Variants in CARS2 observed in about 807,000 individuals in gnomAD.
CARS2 encodes probable cysteine--tRNA ligase, mitochondrial.
A neutral mutation model predicts 68.8 loss-of-function variants in CARS2; 52 were observed. That is an observed-to-expected ratio of 0.76 (90% CI 0.61 to 0.95). The LOEUF (loss-of-function observed/expected upper bound fraction) is 0.95, where lower values mean the gene tolerates loss of function less well. Among genes scored for constraint, CARS2 ranks in the 40% least tolerant of loss-of-function variants. The pLI is 0.00. For missense variants in CARS2, 780 were observed against 754.2 expected, an observed-to-expected ratio of 1.03 and a Z score of -0.40; for synonymous variants, 314 against 303.6, an observed-to-expected ratio of 1.03 and a Z score of -0.36.
At chr13:110,702,116 A>C (rs779410207) in intron 2 of CARS2, among the ~76,000 whole-genome samples, 1 of 152,178 alleles carries the variant, frequency 6.6e-6, no homozygotes, top group Non-Finnish European at 1.5e-5. Flanking sequence ...TTAGCATCTC[A>C]AGAATCTGTT....
intron 6 of CARS2, among the ~76,000 whole-genome samples, chr13:110,678,399 C>T (rs2063035099): frequency 4.6e-5 from 7 of 152,168 alleles, no homozygotes; most frequent in Admixed American, 4.6e-4. Context: ...GACAGGCACA[C>T]CCCATGTGCA....
At chr13:110,684,937 G>T (rs1005811373) in intron 5 of CARS2, among the ~76,000 whole-genome samples, 38 of 152,250 alleles carry the variant, frequency 2.5e-4, no homozygotes, top group African/African-American at 8.9e-4. Context: ...TTGAATGTAA[G>T]TGTATTTTGA....
At chr13:110,663,066 A>G (rs1190041836) in intron 9 of CARS2, 1 of 467,052 alleles carries the variant, frequency 2.1e-6, no homozygotes, top group African/African-American at 2.0e-5. Flanking sequence ...AAGGGCAAAC[A>G]GCAAAACCTA....
intron 3 of CARS2, among the ~76,000 whole-genome samples, chr13:110,692,023 T>TAC (rs1271674338): frequency 3.0e-3 from 199 of 66,018 alleles, no homozygotes; most frequent in African/African-American, 8.1e-3. Context: ...TATATATATA[T>TAC]ACACACACAC....
chr13:110,710,080 CTT>C (rs1055396559), upstream of CARS2, among the ~76,000 whole-genome samples: 32 of 152,162 alleles, frequency 2.1e-4, 1 homozygote, highest in Admixed American at 2.0e-3. Context: ...CACTTTGAAA[CTT>C]AAACAATTCT....
At position 110,663,475 on chromosome 13, in the gene CARS2, T is replaced by A. The variant is rs558321178; in HGVS notation, c.963A>T (p.Ser321=). The A allele has an allele frequency of 6.2e-7, 1 of 1,613,850 alleles. No individual in the cohort carries two copies. The change falls in exon 9 of 15, where the codon TCA becomes TCT. Residue 321 remains serine, a synonymous_variant. Transcript: ENST00000257347. The stretch of plus-strand genomic sequence containing the variant: ...CCTTAATAGTAATGTAGTTCTTTAA[T>A]GATTTGGACATTTTTTCTTCTTTGC... ...AKGKEEKMSK[S]LKNYITIKDF...
chr13:110,658,870 A>G (rs1181858347), intron 9 of CARS2, among the ~76,000 whole-genome samples: 1 of 152,218 alleles, frequency 6.6e-6, no homozygotes, highest in East Asian at 1.9e-4. Context: ...TGGAGGTTGC[A>G]GTGAGCTGAG....
At position 110,647,244 on chromosome 13, in the gene CARS2, G is replaced by A; in HGVS notation, c.1055-5C>T. On this transcript the variant is annotated splice_region_variant and splice_polypyrimidine_tract_variant and intron_variant, in intron 10 of 14. Coordinates refer to ENST00000257347, the MANE Select transcript of CARS2 (RefSeq NM_024537.4). ...CGCTGTCACTGTAGTCGATGGCTGAGGAGGAAGAGATGGTCACTGAGGCGG... is the reference window on the plus strand; with the variant it reads ...CGCTGTCACTGTAGTCGATGGCTGAAGAGGAAGAGATGGTCACTGAGGCGG... 1 of 1,611,562 alleles carries A rather than the reference G, an allele frequency of 6.2e-7. No individual in the cohort carries two copies. The highest frequency in any genetic ancestry group is 8.5e-7 in the Non-Finnish European group (1 of 1,178,784).
intron 2 of CARS2, among the ~76,000 whole-genome samples, chr13:110,704,305 A>C (rs1225886819): frequency 6.6e-6 from 1 of 152,200 alleles, no homozygotes; most frequent in Non-Finnish European, 1.5e-5. Context: ...AAGGTTTTCC[A>C]GGGTGGGGGT....
At chr13:110,657,211 G>A (rs2062393652) in intron 9 of CARS2, among the ~76,000 whole-genome samples, 1 of 129,198 alleles carries the variant, frequency 7.7e-6, no homozygotes, top group Non-Finnish European at 1.6e-5. Context: ...ATTTTATTTG[G>A]ATATATCAAA....
intron 9 of CARS2, among the ~76,000 whole-genome samples, chr13:110,660,336 TTTTGACCTA>T (rs2062470213): frequency 6.6e-6 from 1 of 152,246 alleles, no homozygotes; most frequent in Non-Finnish European, 1.5e-5. Flanking sequence ...AATGTTAATA[TTTTGACCTA>T]TTCCCATCAA....
intron 3 of CARS2, among the ~76,000 whole-genome samples, chr13:110,689,997 C>T (rs775880798): frequency 3.9e-5 from 6 of 152,104 alleles, no homozygotes; most frequent in African/African-American, 1.4e-4. Flanking sequence ...GGGAGGCCGA[C>T]GTGGGCAGAT....
intron 9 of CARS2, among the ~76,000 whole-genome samples, chr13:110,658,055 A>C (rs2062414850): frequency 6.6e-6 from 1 of 152,246 alleles, no homozygotes; most frequent in Non-Finnish European, 1.5e-5. Context: ...AAACAGACAA[A>C]TCCAAAATGT....
At chr13:110,675,741 T>C (rs925086152) in intron 7 of CARS2, among the ~76,000 whole-genome samples, 24 of 151,618 alleles carry the variant, frequency 1.6e-4, no homozygotes, top group African/African-American at 5.8e-4. Flanking sequence ...ATAGGAAACA[T>C]ACGCGTGGTT....
At chr13:110,709,448 G>A (rs1420752247), upstream of CARS2, among the ~76,000 whole-genome samples, 3 of 152,118 alleles carry the variant, frequency 2.0e-5, no homozygotes, top group Non-Finnish European at 4.4e-5. Flanking sequence ...GAGAAACATA[G>A]CTCATTACCT....
At chr13:110,700,543 G>A (rs2063754355) in intron 3 of CARS2, among the ~76,000 whole-genome samples, 2 of 152,240 alleles carry the variant, frequency 1.3e-5, no homozygotes, top group Non-Finnish European at 1.5e-5. Flanking sequence ...CAGGGTGGCT[G>A]CAGGAGATCT....
chr13:110,688,020 TGCA>T lies in CARS2; in HGVS notation c.394-5_394-3del. On this transcript the variant is annotated splice_polypyrimidine_tract_variant and splice_region_variant and intron_variant, in intron 3 of 14. Coordinates refer to ENST00000257347, the MANE Select transcript of CARS2 (RefSeq NM_024537.4). Reference sequence around the variant, plus strand: ...GAGGGAAGCGGGGGAAATATTCATCTGCAGAAGGATTAGATGTGCACGTTAATG... The same window carrying T: ...GAGGGAAGCGGGGGAAATATTCATCTGAAGGATTAGATGTGCACGTTAATG... 1 of 1,605,102 alleles carries T rather than the reference TGCA, an allele frequency of 6.2e-7. No homozygotes were observed. Among genetic ancestry groups the T allele is most frequent in the Non-Finnish European group, 8.5e-7 (1 of 1,173,566 alleles).
rs147131360 is a variant in CARS2 at position 110,653,389 on chromosome 13, C to G, written c.988-2289G>C. ...AACTCGCAGGCTTACTTGACACCCT[C>G]CCTCACCCGAGGTGCTGTGGTTCCA... On this transcript the variant is annotated intron_variant, in intron 9 of 14. Transcript: ENST00000257347. This position sits in a 1 kb window ranked among gnomAD's most constrained non-coding sequence, Gnocchi z 5.6. Among the ~76,000 whole-genome samples the G allele has an allele frequency of 8.1e-4, 124 of 152,304 alleles. No individual in the cohort carries two copies. The highest frequency in any genetic ancestry group is 2.8e-3 in the African/African-American group (118 of 41,560).
At chr13:110,641,721 A>G (rs1248233703) in intron 14 of CARS2, 113 bp from the exon 15 acceptor site, 21 of 862,518 alleles carry the variant, frequency 2.4e-5, no homozygotes, top group Non-Finnish European at 3.7e-5. Context: ...CCTGTCCTAA[A>G]AAGCTTGCCA....
Sources: gnomAD v4.1 joint callset for allele counts (sites outside exome capture counted in the v4.1 genomes callset) on GRCh38, gnomAD v4.1.1 for gene constraint, Gnocchi (gnomAD v3.1) non-coding constraint, MANE v1.5 for transcripts, NCBI Gene and HGNC (gene_info 2026-07-23, HGNC 2026-07-21) for gene names.